EFL1: variants seen among roughly 807,000 people sequenced by gnomAD.
The protein encoded by EFL1 is elongation factor-like GTPase 1.
EFL1 carries 76 observed loss-of-function variants against 126.7 expected under a neutral mutation model. The ratio of observed to expected loss-of-function variants is 0.60; its 90% CI spans 0.50 to 0.73. EFL1 has a LOEUF of 0.73. Ranked by LOEUF, EFL1 falls within the 30% of genes least tolerant of loss-of-function variation. The probability of loss-of-function intolerance (pLI) is 0.00; values close to 1 mark genes in which losing one functional copy is unlikely to be tolerated. For missense variants in EFL1, 1,128 were observed against 1,343.2 expected, an observed-to-expected ratio of 0.84 and a Z score of 2.50; for synonymous variants, 410 against 448.4, an observed-to-expected ratio of 0.91 and a Z score of 1.08.
intron 16 of EFL1, among the ~76,000 whole-genome samples, chr15:82,159,705 G>GT (rs1160252603): frequency 1.3e-5 from 2 of 152,088 alleles, no homozygotes; most frequent in Non-Finnish European, 2.9e-5. Context: ...TCTAATTAGT[G>GT]TAAGAAAAAT....
chr15:82,228,320 C>T lies in EFL1; in HGVS notation c.940G>A (p.Asp314Asn). The change falls in exon 10 of 20, where the codon GAC (aspartate) becomes AAC (asparagine). Residue 314 changes from aspartate to asparagine, a missense_variant. Physicochemically the swap from Asp to Asn is conservative, Grantham distance 23. This residue lies in a region of EFL1 where 316 missense variants were observed against 318.5 expected (regional missense o/e 0.99). Coordinates refer to ENST00000268206, the MANE Select transcript of EFL1 (RefSeq NM_024580.6). Reference sequence around the variant, plus strand: ...GAAGTCACTATTTTATCAATTTTGTCTTTGTCCCTGTGGTAAACACAAGAT... The same window carrying T: ...GAAGTCACTATTTTATCAATTTTGTTTTTGTCCCTGTGGTAAACACAAGAT... The part of the protein sequence containing the change: ...LYDAVLKKDK[D>N]KIDKIVTSLG... 6.2e-7 allele frequency: 1 copy of T among 1,613,414 alleles called. No individual in the cohort carries two copies. The highest frequency in any genetic ancestry group is 8.5e-7 in the Non-Finnish European group (1 of 1,179,742).
intron 17 of EFL1, among the ~76,000 whole-genome samples, chr15:82,153,763 T>C (rs2073937958): frequency 6.6e-6 from 1 of 152,210 alleles, no homozygotes; most frequent in Admixed American, 6.5e-5. Flanking sequence ...TTGTATTAGA[T>C]CTGTTAATAC....
intron 4 of EFL1, among the ~76,000 whole-genome samples, 170 bp downstream of exon 4, chr15:82,252,521 T>G (rs2075031738): frequency 2.0e-5 from 3 of 152,220 alleles, no homozygotes; most frequent in Non-Finnish European, 2.9e-5. Flanking sequence ...GAGGTTTCCA[T>G]CTGCATCCAA....
At position 82,235,525 on chromosome 15, in the gene EFL1, G is replaced by A. The variant is rs533720334; in HGVS notation, c.731+2782C>T. Among the ~76,000 whole-genome samples the A allele has an allele frequency of 1.3e-4, 20 of 152,066 alleles. No individual in the cohort carries two copies. In the South Asian group the frequency reaches 4.1e-3, roughly 32 times the overall value. ...TTGTATATAAAATCTATAAAGAAAT[G>A]CAAGACTGGCTCAATATTAAAAAAC... On this transcript the variant is annotated intron_variant, in intron 7 of 19. Transcript: ENST00000268206.
At chr15:82,193,049 G>C (rs2074375238) in intron 15 of EFL1, among the ~76,000 whole-genome samples, 1 of 152,104 alleles carries the variant, frequency 6.6e-6, no homozygotes, top group South Asian at 2.1e-4. Flanking sequence ...TATAACTTTT[G>C]AAATTCAAAT....
At chr15:82,230,809 A>G (rs2074813690) in intron 8 of EFL1, 39 bp downstream of exon 8, 3 of 1,576,664 alleles carry the variant, frequency 1.9e-6, no homozygotes, top group Admixed American at 1.9e-5. Flanking sequence ...ATAGGGCAAG[A>G]ATATGACCAA....
intron 15 of EFL1, among the ~76,000 whole-genome samples, chr15:82,184,934 G>A (rs1471950319): frequency 1.3e-5 from 2 of 152,188 alleles, no homozygotes; most frequent in Non-Finnish European, 2.9e-5. Flanking sequence ...AGTGTGAATA[G>A]TAAGTCCATT....
At chr15:82,184,634 C>G (rs974020285) in intron 15 of EFL1, among the ~76,000 whole-genome samples, 1 of 152,196 alleles carries the variant, frequency 6.6e-6, no homozygotes, top group Non-Finnish European at 1.5e-5. Context: ...GCAAACTGCC[C>G]AAGTTAGCAT....
In EFL1 at chr15:82,240,435, T is replaced by G. The variant is rs770230822; in HGVS notation, c.499A>C (p.Lys167Gln). 1 of 1,605,702 alleles carries G rather than the reference T, an allele frequency of 6.2e-7. No homozygotes were observed. Among genetic ancestry groups the G allele is most frequent in the East Asian group, 2.2e-5 (1 of 44,610 alleles). Residue 167 changes from lysine (K) to glutamine (Q), a missense_variant, in exon 6 of 20, where the codon AAG becomes CAG. This residue lies in a region of EFL1 where 316 missense variants were observed against 318.5 expected (regional missense o/e 0.99). Coordinates refer to ENST00000268206, the MANE Select transcript of EFL1 (RefSeq NM_024580.6). ...TAAAATACCTGTTCTAAAATATTCT[T>G]GAGGTGAGAATAGGCCTCTTGTGGG... ...FTPQEAYSHL[K>Q]NILEQINALT...
At chr15:82,196,946 C>T (rs967485985) in intron 15 of EFL1, among the ~76,000 whole-genome samples, 4 of 151,490 alleles carry the variant, frequency 2.6e-5, no homozygotes, top group Admixed American at 2.0e-4. Context: ...GCAGGAGAAT[C>T]GTTTCAACCC....
chr15:82,262,244 G>A (rs1216483361), intron 1 of EFL1: 1 of 156,506 alleles, frequency 6.4e-6, no homozygotes, highest in East Asian at 1.9e-4. Flanking sequence ...TCGTCCTCGC[G>A]CGAGGTCAAA....
chr15:82,227,720 A>G (rs1178270619), intron 10 of EFL1, 148 bp from the exon 11 acceptor site: 2 of 1,039,072 alleles, frequency 1.9e-6, no homozygotes, highest in East Asian at 2.6e-5. Flanking sequence ...TATGCATCAC[A>G]TCTCAAAACA....
chr15:82,193,462 A>G (rs1362034246), intron 15 of EFL1, among the ~76,000 whole-genome samples: 1 of 152,228 alleles, frequency 6.6e-6, no homozygotes, highest in Non-Finnish European at 1.5e-5. Flanking sequence ...CACAAAGTCA[A>G]AGATAACTAT....
chr15:82,250,983 G>C (rs191518266), intron 4 of EFL1, among the ~76,000 whole-genome samples: 2,722 of 152,144 alleles, frequency 0.018, 81 homozygotes, highest in African/African-American at 0.062. Context: ...ACACCGAGGC[G>C]GGCGGATCAC....
intron 15 of EFL1, among the ~76,000 whole-genome samples, chr15:82,213,968 T>G (rs1342963765): frequency 3.3e-5 from 5 of 152,270 alleles, no homozygotes; most frequent in Admixed American, 3.3e-4. Context: ...TTAGCTATTC[T>G]GGACCAACAG....
At chr15:82,235,235 A>C (rs1370462751) in intron 7 of EFL1, among the ~76,000 whole-genome samples, 1 of 152,222 alleles carries the variant, frequency 6.6e-6, no homozygotes, top group Non-Finnish European at 1.5e-5. Flanking sequence ...GTTTCAAAGG[A>C]GTGTTGTCAG....
At chr15:82,213,434 T>C in intron 15 of EFL1, among the ~76,000 whole-genome samples, 1 of 152,156 alleles carries the variant, frequency 6.6e-6, no homozygotes, top group East Asian at 1.9e-4. Flanking sequence ...ATGGTATCTC[T>C]CCTTATACAC....
In EFL1 at chr15:82,138,646, T is replaced by A; in HGVS notation, c.3174+12A>T. 1 of 1,612,148 alleles carries A rather than the reference T, an allele frequency of 6.2e-7. No homozygotes were observed. Among genetic ancestry groups the A allele is most frequent in the Non-Finnish European group, 8.5e-7 (1 of 1,178,870 alleles). ...TGAGAAGGAAGGAATGAATGGGAAC[T>A]TGGATTTTTACCTCCCAATGGCTGA... is the stretch of plus-strand genomic sequence containing the variant. On this transcript the variant is annotated intron_variant, in intron 19 of 19. Transcript: ENST00000268206.
chr15:82,214,168 G>A (rs2074618542), intron 15 of EFL1, among the ~76,000 whole-genome samples: 1 of 152,042 alleles, frequency 6.6e-6, no homozygotes, highest in Admixed American at 6.6e-5. Context: ...GAGTCTTTAG[G>A]GTTGCACTAG....
Sources: allele counts gnomAD v4.1 joint callset (sites outside exome capture counted in the v4.1 genomes callset), GRCh38; gene constraint gnomAD v4.1.1; regional missense constraint gnomAD v4.1.1; transcripts MANE v1.5; gene names NCBI Gene and HGNC (gene_info 2026-07-23, HGNC 2026-07-21).